The following FAM227B variants were observed in gnomAD, a reference collection of about 807,000 sequenced individuals.
FAM227B encodes the protein protein FAM227B.
Under a neutral mutation model 73.8 loss-of-function variants are expected in FAM227B, and 88 were observed. The ratio of observed to expected loss-of-function variants is 1.19; its 90% CI spans 1.00 to 1.42. The LOEUF (loss-of-function observed/expected upper bound fraction) is 1.42, where lower values mean the gene tolerates loss of function less well. Ranked by LOEUF, FAM227B falls within the 40% of genes most tolerant of loss-of-function variation. The pLI, the probability that FAM227B is intolerant of heterozygous loss-of-function variation, is 0.00. For synonymous variants in FAM227B, 210 were observed against 190.5 expected (o/e 1.10, Z -0.84); for missense variants, 632 against 590.9 (o/e 1.07, Z -0.72).
intron 9 of FAM227B, among the ~76,000 whole-genome samples, chr15:49,564,454 A>G (rs929594610): frequency 1.3e-5 from 2 of 152,186 alleles, no homozygotes; most frequent in African/African-American, 2.4e-5. Context: ...AAAAAACAGA[A>G]CTACCATTAG....
At chr15:49,505,966 A>T (rs994634067) in intron 11 of FAM227B, among the ~76,000 whole-genome samples, 9 of 152,012 alleles carry the variant, frequency 5.9e-5, no homozygotes, top group African/African-American at 1.7e-4. Flanking sequence ...CCATAAGCAT[A>T]GGAAAACTGA....
intron 11 of FAM227B, among the ~76,000 whole-genome samples, chr15:49,481,460 C>T (rs2055938192): frequency 6.6e-6 from 1 of 152,184 alleles, no homozygotes; most frequent in Non-Finnish European, 1.5e-5. Flanking sequence ...AAGGGCAAGG[C>T]TTGTCTGTGA....
intron 12 of FAM227B, among the ~76,000 whole-genome samples, chr15:49,369,236 C>T (rs1260700254): frequency 6.6e-6 from 1 of 152,090 alleles, no homozygotes; most frequent in Non-Finnish European, 1.5e-5. Context: ...GGATTACAGG[C>T]GTGAGCCACT....
chr15:49,604,380 ACT>A (rs1309371772), intron 3 of FAM227B, among the ~76,000 whole-genome samples: 3 of 150,636 alleles, frequency 2.0e-5, no homozygotes, highest in Non-Finnish European at 3.0e-5. Context: ...TTATCATCCC[ACT>A]CTCTCCTGGA....
chr15:49,422,425 G>T, intron 11 of FAM227B: 1 of 628,272 alleles, frequency 1.6e-6, no homozygotes, highest in Non-Finnish European at 2.3e-6. Flanking sequence ...AACATTTATT[G>T]TTCCAATATT....
At chr15:49,403,076 CA>C (rs2048283521) in intron 11 of FAM227B, among the ~76,000 whole-genome samples, 1 of 152,110 alleles carries the variant, frequency 6.6e-6, no homozygotes, top group African/African-American at 2.4e-5. Context: ...TGTGACGAAT[CA>C]CATTTACTGA....
intron 11 of FAM227B, among the ~76,000 whole-genome samples, chr15:49,448,600 TC>T (rs1215282312): frequency 6.6e-6 from 1 of 151,722 alleles, no homozygotes; most frequent in African/African-American, 2.4e-5. Context: ...GTTATTCTCT[TC>T]ACTTTTTTTC....
chr15:49,348,689 AATT>A (rs969670179), intron 13 of FAM227B, among the ~76,000 whole-genome samples: 3 of 152,148 alleles, frequency 2.0e-5, no homozygotes, highest in Non-Finnish European at 2.9e-5. Context: ...GTGAACACAA[AATT>A]ATTATCTGAT....
Position 49,576,817 on chromosome 15 carries a change from T to C in FAM227B, c.470A>G (p.Asn157Ser). The C allele has an allele frequency of 6.2e-7, 1 of 1,612,736 alleles. No homozygotes were observed. Among genetic ancestry groups the C allele is most frequent in the Non-Finnish European group, 8.5e-7 (1 of 1,179,172 alleles). Residue 157 changes from asparagine (N) to serine (S), a missense_variant, in exon 7 of 16, where the codon AAT becomes AGT. Physicochemically the swap from Asn to Ser is conservative, Grantham distance 46. Transcript: ENST00000299338. ...EGCSFTGFKA[N>S]ELTQLPRHLD... ...ATGTCTGGGTAGCTGAGTAAGTTCA[T>C]TTGCTTTGAATCCTGTGAAGCTGCA...
At chr15:49,539,760 C>T (rs2070792920) in intron 10 of FAM227B, among the ~76,000 whole-genome samples, 1 of 152,138 alleles carries the variant, frequency 6.6e-6, no homozygotes, top group Non-Finnish European at 1.5e-5. Flanking sequence ...GATGCAGATG[C>T]TGCAGCAGTG....
intron 11 of FAM227B, among the ~76,000 whole-genome samples, chr15:49,402,709 T>C (rs950189356): frequency 1.3e-5 from 2 of 152,190 alleles, no homozygotes; most frequent in African/African-American, 4.8e-5. Context: ...TTTCTAGATA[T>C]AGGATCATGT....
intron 3 of FAM227B, among the ~76,000 whole-genome samples, chr15:49,590,659 C>T (rs2076468027): frequency 6.6e-6 from 1 of 152,128 alleles, no homozygotes; most frequent in African/African-American, 2.4e-5. Context: ...ACATATCCAT[C>T]ACCTCACAGA....
intron 12 of FAM227B, among the ~76,000 whole-genome samples, chr15:49,369,798 T>G (rs145140466): frequency 8.5e-5 from 13 of 152,362 alleles, no homozygotes; most frequent in Admixed American, 5.9e-4. Context: ...AGAAAAACTC[T>G]AATTCTGCTT....
rs533363450 is a variant in FAM227B at position 49,499,105 on chromosome 15, G to A, written c.1012+9106C>T. Among the ~76,000 whole-genome samples the A allele has an allele frequency of 6.6e-5, 9 of 136,220 alleles. No individual in the cohort carries two copies. In the East Asian group the frequency reaches 2.0e-3, roughly 30 times the overall value. The allele number at this position is 136,220 out of a possible 152,430, so 89.4% of individuals were successfully genotyped here. On this transcript the variant is annotated intron_variant, in intron 11 of 15. Coordinates refer to ENST00000299338, the MANE Select transcript of FAM227B (RefSeq NM_152647.3). The stretch of plus-strand genomic sequence containing the variant: ...GGCGTGAACCCGGGAGGCGGAGCTT[G>A]CAGTGAGCCGAGATCCCGCCACTGC...
chr15:49,371,013 G>A (rs1303611129), intron 12 of FAM227B, among the ~76,000 whole-genome samples: 1 of 152,160 alleles, frequency 6.6e-6, no homozygotes, highest in Non-Finnish European at 1.5e-5. Context: ...ACACCAGATG[G>A]AGCCTTTGTA....
chr15:49,402,927 G>A (rs983118263), intron 11 of FAM227B, among the ~76,000 whole-genome samples: 3 of 151,668 alleles, frequency 2.0e-5, no homozygotes, highest in Non-Finnish European at 4.4e-5. Flanking sequence ...TGTCATATAT[G>A]GCTCTTATTT....
intron 11 of FAM227B, among the ~76,000 whole-genome samples, chr15:49,428,201 G>A (rs2151767947): frequency 6.6e-6 from 1 of 151,938 alleles, no homozygotes; most frequent in Non-Finnish European, 1.5e-5. Context: ...GTGTACTACT[G>A]TTACCCAGGA....
At chr15:49,489,596 C>T (rs1481653088) in intron 11 of FAM227B, among the ~76,000 whole-genome samples, 1 of 150,584 alleles carries the variant, frequency 6.6e-6, no homozygotes, top group Non-Finnish European at 1.5e-5. Flanking sequence ...ATCATAGATG[C>T]CAGCTGGAAT....
chr15:49,563,129 TAAAC>T (rs2074386739), intron 9 of FAM227B, among the ~76,000 whole-genome samples: 1 of 152,192 alleles, frequency 6.6e-6, no homozygotes, highest in African/African-American at 2.4e-5. Flanking sequence ...GTAAGACTGA[TAAAC>T]AACTCCAGTA....
Sources: allele counts gnomAD v4.1 joint callset (sites outside exome capture counted in the v4.1 genomes callset), GRCh38; gene constraint gnomAD v4.1.1; transcripts MANE v1.5; gene names NCBI Gene and HGNC (gene_info 2026-07-23, HGNC 2026-07-21).